The following ATP2B1 variants were observed in gnomAD, a reference collection of about 807,000 sequenced individuals.
The protein encoded by ATP2B1 is plasma membrane calcium-transporting ATPase 1.
In ATP2B1, 14 loss-of-function variants were observed where a neutral mutation model predicts 124.2. That is an observed-to-expected ratio of 0.11 (90% CI 0.07 to 0.18). ATP2B1 has a LOEUF of 0.18. ATP2B1 is among the 10% of genes least tolerant of loss of function. The probability of loss-of-function intolerance (pLI) is 1.00; values close to 1 mark genes in which losing one functional copy is unlikely to be tolerated. For missense variants in ATP2B1, 763 were observed against 1,466.1 expected (o/e 0.52, Z 7.83); for synonymous variants, 449 against 492.4 (o/e 0.91, Z 1.17).
At chr12:89,667,911 A>G (rs1271078006) in intron 1 of ATP2B1, among the ~76,000 whole-genome samples, 2 of 152,234 alleles carry the variant, frequency 1.3e-5, no homozygotes, top group African/African-American at 4.8e-5. Flanking sequence ...TGGAACCAAA[A>G]AAGAATCTGA....
In ATP2B1 at chr12:89,656,089, A is replaced by C; in HGVS notation, c.-203T>G. The C allele has an allele frequency of 1.9e-6, 1 of 525,606 alleles. No homozygotes were observed. The highest frequency in any genetic ancestry group is 2.9e-5 in the East Asian group (1 of 34,878). The allele number at this position is 525,606 out of a possible 1,614,324, so 32.6% of individuals were successfully genotyped here. ...GGCCCATGACTAGTTTCTCCATATC[A>C]ATCATGAGATATACACATCTGTAAG... On this transcript the variant is annotated 5_prime_UTR_variant, in exon 2 of 21. In the 5' UTR this introduces an upstream ATG that the reference lacks. Coordinates refer to ENST00000428670, the MANE Select transcript of ATP2B1 (RefSeq NM_001366521.1).
intron 12 of ATP2B1, 152 bp from the exon 13 acceptor site, chr12:89,611,524 C>T: frequency 1.7e-6 from 1 of 585,720 alleles, no homozygotes. Context: ...TTCCAATACT[C>T]AACATTTCTT....
At chr12:89,672,939 T>C (rs1337684181) in intron 1 of ATP2B1, among the ~76,000 whole-genome samples, 1 of 152,266 alleles carries the variant, frequency 6.6e-6, no homozygotes, top group Non-Finnish European at 1.5e-5. Flanking sequence ...TATTTTCCTT[T>C]CCAAGTTTAG....
At chr12:89,673,464 C>G (rs1888238678) in intron 1 of ATP2B1, among the ~76,000 whole-genome samples, 1 of 152,126 alleles carries the variant, frequency 6.6e-6, no homozygotes, top group African/African-American at 2.4e-5. Context: ...TTCTTCCCAA[C>G]TTATCACATT....
At chr12:89,661,861 T>C (rs1036530362) in intron 1 of ATP2B1, among the ~76,000 whole-genome samples, 1 of 152,172 alleles carries the variant, frequency 6.6e-6, no homozygotes, top group African/African-American at 2.4e-5. Flanking sequence ...CTGTGGTTGC[T>C]ATTGGCATTT....
At chr12:89,697,906 C>T (rs375345122) in intron 1 of ATP2B1, among the ~76,000 whole-genome samples, 2 of 152,136 alleles carry the variant, frequency 1.3e-5, no homozygotes, top group East Asian at 1.9e-4. Context: ...GATGGAGTCT[C>T]GCTCTGTTGT....
At chr12:89,643,061 T>TACACACACAC (rs1277023013) in intron 2 of ATP2B1, among the ~76,000 whole-genome samples, 1 of 98,712 alleles carries the variant, frequency 1.0e-5, no homozygotes, top group African/African-American at 3.7e-5. Context: ...TATATAAAGA[T>TACACACACAC]ACATACACAC....
At chr12:89,610,315 G>C in intron 14 of ATP2B1, 106 bp downstream of exon 14, 1 of 981,238 alleles carries the variant, frequency 1.0e-6, no homozygotes, top group Non-Finnish European at 1.6e-6. Flanking sequence ...TATTAAAACA[G>C]ATGATATCCA....
At chr12:89,677,253 T>A (rs181311977) in intron 1 of ATP2B1, among the ~76,000 whole-genome samples, 9 of 152,246 alleles carry the variant, frequency 5.9e-5, no homozygotes, top group Admixed American at 5.9e-4. Context: ...TTTGAGATAC[T>A]CCTAGGCAGA....
At chr12:89,677,691 C>G (rs1038687829) in intron 1 of ATP2B1, among the ~76,000 whole-genome samples, 5 of 152,086 alleles carry the variant, frequency 3.3e-5, no homozygotes, top group Admixed American at 3.3e-4. Context: ...TACCAAACTT[C>G]ATACCAATGT....
At chr12:89,636,235 G>A (rs951176849) in intron 3 of ATP2B1, among the ~76,000 whole-genome samples, 23 of 151,912 alleles carry the variant, frequency 1.5e-4, no homozygotes, top group Non-Finnish European at 3.1e-4. Context: ...TGGGGAGGGG[G>A]GAGAGAATGA....
chr12:89,588,460 A>G lies in ATP2B1; in HGVS notation c.*2524T>C, dbSNP rs1000951855. On this transcript the variant is annotated 3_prime_UTR_variant, in exon 21 of 21. Transcript: ENST00000428670. Reference sequence around the variant, plus strand: ...AACATTTGGGATGCAAAATTAAACAATTTTTTGGTTAGAGGATAAAAGAGA... The same window carrying G: ...AACATTTGGGATGCAAAATTAAACAGTTTTTTGGTTAGAGGATAAAAGAGA... 1.3e-5 allele frequency: 2 copies of G among 152,592 alleles called. No homozygotes were observed. The highest frequency in any genetic ancestry group is 2.9e-5 in the Non-Finnish European group (2 of 68,016). 9.5% of individuals were successfully genotyped at this position (152,592 alleles called of 1,614,324 possible). A position where few individuals can be genotyped will look rare whatever the true frequency, so the allele number is the denominator to read the frequency against.
chr12:89,652,500 C>T (rs1394592557), intron 2 of ATP2B1, among the ~76,000 whole-genome samples: 2 of 152,174 alleles, frequency 1.3e-5, no homozygotes, highest in Non-Finnish European at 2.9e-5. Context: ...TTTGAAGAAT[C>T]AGTTTAATTC....
At chr12:89,688,449 A>G (rs1323447252) in intron 1 of ATP2B1, among the ~76,000 whole-genome samples, 1 of 152,130 alleles carries the variant, frequency 6.6e-6, no homozygotes, top group Admixed American at 6.6e-5. Context: ...TGGACTGTAC[A>G]TTTTAATGAA....
chr12:89,644,868 TTA>T (rs1289049869), intron 2 of ATP2B1, among the ~76,000 whole-genome samples: 6 of 152,216 alleles, frequency 3.9e-5, no homozygotes, highest in Non-Finnish European at 7.3e-5. Context: ...GACCAATATT[TTA>T]TGTTACCACT....
At chr12:89,638,241 T>C (rs1369439627) in intron 3 of ATP2B1, among the ~76,000 whole-genome samples, 2 of 152,204 alleles carry the variant, frequency 1.3e-5, no homozygotes, top group Non-Finnish European at 2.9e-5. Context: ...GGTATTCTCT[T>C]GTAAATATAT....
rs1886390743 is a variant in ATP2B1, at chr12:89,659,364, AC to A, written c.-221-3258del. Among the ~76,000 whole-genome samples, 10 of 151,784 alleles carry A rather than the reference AC, an allele frequency of 6.6e-5. No individual in the cohort carries two copies. The South Asian group carries it at 2.1e-3, about 32-fold the overall frequency. On this transcript the variant is annotated intron_variant, in intron 1 of 20. Coordinates refer to ENST00000428670, the MANE Select transcript of ATP2B1 (RefSeq NM_001366521.1). ...GTCTTTGAGGTATTACAAAACACAC[AC>A]ACACACACACACACACACGCACAAG...
intron 8 of ATP2B1, among the ~76,000 whole-genome samples, chr12:89,624,929 T>G (rs950281367): frequency 1.3e-5 from 2 of 152,358 alleles, no homozygotes; most frequent in African/African-American, 4.8e-5. Flanking sequence ...AACCAAGAGT[T>G]AACCATGTAT....
intron 2 of ATP2B1, among the ~76,000 whole-genome samples, chr12:89,653,390 G>A (rs944633429): frequency 8.2e-5 from 12 of 146,640 alleles, no homozygotes; most frequent in African/African-American, 1.0e-4. Context: ...TCCGCTTCCC[G>A]GGTTCACGCT....
Sources: gnomAD v4.1 joint callset for allele counts (sites outside exome capture counted in the v4.1 genomes callset) on GRCh38, gnomAD v4.1.1 for gene constraint, MANE v1.5 for transcripts, NCBI Gene and HGNC (gene_info 2026-07-23, HGNC 2026-07-21) for gene names.